AFF2: variants seen among roughly 807,000 people sequenced by gnomAD.
AFF2 encodes the protein AF4/FMR2 family member 2.
A neutral mutation model predicts 76.9 loss-of-function variants in AFF2; 14 were observed. The observed-to-expected ratio is 0.18, with a 90% CI of 0.12 to 0.28. AFF2 has a LOEUF of 0.28. Among genes scored for constraint, AFF2 ranks in the 10% least tolerant of loss-of-function variants. AFF2 has a pLI of 1.00. For synonymous variants in AFF2, 398 were observed against 366.7 expected, an observed-to-expected ratio of 1.09 and a Z score of -0.98; for missense variants, 868 against 1,001.1, an observed-to-expected ratio of 0.87 and a Z score of 1.79.
chrX:148,768,110 A>G (rs1197617411), intron 3 of AFF2, among the ~76,000 whole-genome samples: 1 of 107,580 alleles, frequency 9.3e-6, no homozygotes, highest in African/African-American at 3.4e-5. Context: ...GTGAACTTTT[A>G]TTCATCCTAC....
chrX:148,763,900 G>A (rs370892095), intron 3 of AFF2, among the ~76,000 whole-genome samples: 3 of 112,024 alleles, frequency 2.7e-5, no homozygotes, highest in South Asian at 3.7e-4. Flanking sequence ...AACTAACAAC[G>A]ATAACGTTTT....
At chrX:148,746,398 C>T (rs182192170) in intron 3 of AFF2, among the ~76,000 whole-genome samples, 2 of 112,038 alleles carry the variant, frequency 1.8e-5, no homozygotes, top group East Asian at 5.6e-4. Flanking sequence ...TCCTTTGTAA[C>T]TAGAGTGTTT....
chrX:148,730,635 A>G, intron 3 of AFF2, among the ~76,000 whole-genome samples: 1 of 112,791 alleles, frequency 8.9e-6, no homozygotes, highest in Non-Finnish European at 1.9e-5. Flanking sequence ...CATGATCCGA[A>G]CTATGTTTTT....
chrX:148,568,338 A>G (rs1426477683), intron 1 of AFF2, among the ~76,000 whole-genome samples: 1 of 112,069 alleles, frequency 8.9e-6, no homozygotes, highest in Non-Finnish European at 1.9e-5. Flanking sequence ...GTCTACTTCC[A>G]TAAAATCTTT....
intron 1 of AFF2, among the ~76,000 whole-genome samples, chrX:148,629,972 T>G (rs917851600): frequency 4.5e-5 from 5 of 111,717 alleles, no homozygotes; most frequent in Non-Finnish European, 9.4e-5. Context: ...GAGTCTTGTC[T>G]TTTTAAAGGC....
chrX:148,983,985 CACATTCTGTTGAAGGAGAAAGATA>C (rs1216123119), intron 19 of AFF2, among the ~76,000 whole-genome samples: 2 of 47,789 alleles, frequency 4.2e-5, no homozygotes, highest in Non-Finnish European at 8.8e-5. Context: ...TCATCAAGGT[CACATTCTGTTGAAGGAGAAAGATA>C]ACAACAAACA....
intron 3 of AFF2, among the ~76,000 whole-genome samples, chrX:148,742,850 G>A (rs1466551738): frequency 2.7e-5 from 3 of 111,864 alleles, no homozygotes; most frequent in South Asian, 3.7e-4. Flanking sequence ...CACTCAAGAG[G>A]TCTGTATGTG....
chrX:148,575,065 C>T (rs111935569), intron 1 of AFF2, among the ~76,000 whole-genome samples: 2,910 of 107,277 alleles, frequency 0.027, 84 homozygotes, highest in African/African-American at 0.091. Flanking sequence ...TTTTTTTGTC[C>T]GACATAGCAC....
At chrX:148,616,786 A>G (rs2124411990) in intron 1 of AFF2, among the ~76,000 whole-genome samples, 1 of 97,813 alleles carries the variant, frequency 1.0e-5, no homozygotes, top group South Asian at 4.7e-4. Flanking sequence ...ATGTGTTCTC[A>G]TTGTTCAATT....
intron 1 of AFF2, among the ~76,000 whole-genome samples, chrX:148,578,550 T>C (rs1221714099): frequency 8.9e-6 from 1 of 112,100 alleles, no homozygotes; most frequent in African/African-American, 3.2e-5. Flanking sequence ...GTTATTCATT[T>C]TTCTATCCTC....
At chrX:148,946,797 A>G (rs1309112031) in intron 9 of AFF2, among the ~76,000 whole-genome samples, 1 of 111,932 alleles carries the variant, frequency 8.9e-6, no homozygotes, top group Non-Finnish European at 1.9e-5. Flanking sequence ...CTCACATGGC[A>G]TCACTCTGGC....
intron 1 of AFF2, among the ~76,000 whole-genome samples, chrX:148,639,331 A>G (rs782447006): frequency 3.6e-5 from 4 of 112,123 alleles, no homozygotes; most frequent in African/African-American, 9.7e-5. Context: ...GAATTTACTC[A>G]CCTTCAAAAA....
chrX:148,793,500 C>G (rs1557270128), intron 3 of AFF2, among the ~76,000 whole-genome samples: 1 of 111,787 alleles, frequency 8.9e-6, no homozygotes, highest in Non-Finnish European at 1.9e-5. Context: ...CTCCTCTCCT[C>G]TCCTCCACCC....
chrX:148,622,427 G>A lies in AFF2; in HGVS notation c.48-29572G>A, dbSNP rs925764936. Among the ~76,000 whole-genome samples the A allele has an allele frequency of 6.3e-5, 7 of 111,828 alleles. No homozygotes were observed. In the East Asian group the frequency reaches 1.7e-3, roughly 27 times the overall value. Reference sequence around the variant, plus strand: ...TCCTGGGAAACCTTAGCCCTTGCTTGTGACACCTTCAACTGATTGGATGAG... The same window carrying A: ...TCCTGGGAAACCTTAGCCCTTGCTTATGACACCTTCAACTGATTGGATGAG... On this transcript the variant is annotated intron_variant, in intron 1 of 20. Coordinates refer to ENST00000370460, the MANE Select transcript of AFF2 (RefSeq NM_002025.4).
chrX:148,836,279 C>G (rs2070523965), intron 4 of AFF2, among the ~76,000 whole-genome samples: 1 of 111,984 alleles, frequency 8.9e-6, no homozygotes, highest in Non-Finnish European at 1.9e-5. Context: ...AAAATTCAAT[C>G]TTTGTCAGAA....
At chrX:148,695,666 A>G (rs1435742998) in intron 3 of AFF2, among the ~76,000 whole-genome samples, 2 of 112,871 alleles carry the variant, frequency 1.8e-5, no homozygotes, top group Non-Finnish European at 3.7e-5. Flanking sequence ...TAACATTTTG[A>G]ATAAGAATAC....
At chrX:148,708,476 C>G (rs1246444931) in intron 3 of AFF2, among the ~76,000 whole-genome samples, 3 of 112,087 alleles carry the variant, frequency 2.7e-5, no homozygotes, top group Non-Finnish European at 3.8e-5. Context: ...CAGGTTAAAT[C>G]TTTGCCTTTC....
In AFF2 at chrX:148,535,411, G is replaced by A. The variant is rs781831293; in HGVS notation, c.47+34267G>A. Among the ~76,000 whole-genome samples the A allele has an allele frequency of 1.8e-3, 194 of 110,559 alleles. 1 individual carries two copies. Among genetic ancestry groups the A allele is most frequent in the African/African-American group, 5.1e-3 (156 of 30,409 alleles). ...GTCTGAAATTCAAATTTAACTGGGC[G>A]TCCTGTGTTTTCATTGACTAAATCT... On this transcript the variant is annotated intron_variant, in intron 1 of 20. Transcript: ENST00000370460.
chrX:148,980,865 G>A, intron 19 of AFF2, 75 bp downstream of exon 19: 2 of 785,721 alleles, frequency 2.5e-6, no homozygotes, highest in East Asian at 3.6e-5. Flanking sequence ...GCATTGACAA[G>A]TCAGGAGTGA....
Sources: gnomAD v4.1 joint callset for allele counts (sites outside exome capture counted in the v4.1 genomes callset) on GRCh38, gnomAD v4.1.1 for gene constraint, MANE v1.5 for transcripts, NCBI Gene and HGNC (gene_info 2026-07-23, HGNC 2026-07-21) for gene names.